Variants in VAV3 observed in about 807,000 individuals in gnomAD.
VAV3 encodes vav guanine nucleotide exchange factor 3.
In VAV3, 94 loss-of-function variants were observed where a neutral mutation model predicts 131.2. That is an observed-to-expected ratio of 0.72 (90% CI 0.61 to 0.85). The LOEUF (loss-of-function observed/expected upper bound fraction) is 0.85, where lower values mean the gene tolerates loss of function less well. Among genes scored for constraint, VAV3 ranks in the 40% least tolerant of loss-of-function variants. The pLI, the probability that VAV3 is intolerant of heterozygous loss-of-function variation, is 0.00. For synonymous variants in VAV3, 349 were observed against 342.0 expected (o/e 1.02, Z -0.22); for missense variants, 939 against 1,002.7 (o/e 0.94, Z 0.86).
intron 15 of VAV3, among the ~76,000 whole-genome samples, chr1:107,717,886 G>A (rs963683270): frequency 2.0e-4 from 30 of 152,176 alleles, no homozygotes; most frequent in African/African-American, 7.0e-4. Flanking sequence ...TCTCTTTGTA[G>A]GTATCTAAGG....
At chr1:107,850,229 C>A (rs943061981) in intron 2 of VAV3, among the ~76,000 whole-genome samples, 10 of 152,042 alleles carry the variant, frequency 6.6e-5, no homozygotes, top group Admixed American at 2.0e-4. Context: ...GGGTATATAC[C>A]CAAAGGATTA....
chr1:107,964,399 C>T (rs1421346631), intron 1 of VAV3: 3 of 399,840 alleles, frequency 7.5e-6, no homozygotes, highest in East Asian at 4.4e-5. Flanking sequence ...CCTAAGACAA[C>T]TTATTTCTTT....
chr1:107,813,257 G>C (rs1570988553), intron 2 of VAV3, among the ~76,000 whole-genome samples: 1 of 152,116 alleles, frequency 6.6e-6, no homozygotes, highest in South Asian at 2.1e-4. Flanking sequence ...TCATGGAAAA[G>C]GAGAGACAAG....
intron 23 of VAV3, 80 bp from the exon 24 acceptor site, chr1:107,602,564 A>G (rs1224544220): frequency 1.1e-5 from 12 of 1,123,162 alleles, no homozygotes; most frequent in African/African-American, 3.3e-5. Flanking sequence ...GCATGCCCCA[A>G]TAACATTTTA....
chr1:107,951,555 A>C (rs1351353742), intron 1 of VAV3, among the ~76,000 whole-genome samples: 1 of 152,180 alleles, frequency 6.6e-6, no homozygotes, highest in East Asian at 1.9e-4. Flanking sequence ...ATGGAAGAAA[A>C]TTTTTGCAAA....
intron 2 of VAV3, among the ~76,000 whole-genome samples, chr1:107,811,028 T>C (rs892845024): frequency 2.6e-5 from 4 of 152,184 alleles, no homozygotes; most frequent in Non-Finnish European, 5.9e-5. Flanking sequence ...ATGTGGATAG[T>C]TCAACTTTCA....
chr1:107,669,843 GGA>G (rs1657657254), intron 19 of VAV3, among the ~76,000 whole-genome samples: 2 of 152,176 alleles, frequency 1.3e-5, no homozygotes, highest in African/African-American at 4.8e-5. Context: ...ACTCCTTAGA[GGA>G]GAGAGTAACT....
intron 10 of VAV3, among the ~76,000 whole-genome samples, chr1:107,758,836 T>C (rs1055243736): frequency 6.6e-6 from 1 of 152,186 alleles, no homozygotes; most frequent in African/African-American, 2.4e-5. Flanking sequence ...TTATATTCTA[T>C]TCATACTAAA....
chr1:107,908,961 A>G (rs1203899814), intron 1 of VAV3, among the ~76,000 whole-genome samples: 1 of 152,038 alleles, frequency 6.6e-6, no homozygotes, highest in Non-Finnish European at 1.5e-5. Flanking sequence ...CATAAGTACA[A>G]CAACTGCTAT....
At position 107,964,849 on chromosome 1, in the gene VAV3, G is replaced by A. The variant is rs1281623132; in HGVS notation, c.21C>T (p.Cys7=). The A allele has an allele frequency of 3.7e-6, 6 of 1,608,582 alleles. No homozygotes were observed. Among genetic ancestry groups the A allele is most frequent in the Non-Finnish European group, 5.1e-6 (6 of 1,177,520 alleles). The part of the protein sequence containing the change: MEPWKQ[C]AQWLIHCKVL... ...CCTTGCAATGGATGAGCCACTGCGC[G>A]CACTGCTTCCACGGCTCCATGCCCG... Residue 7 remains cysteine (C), a synonymous_variant, in exon 1 of 27, where the codon TGC becomes TGT. Transcript: ENST00000370056.
At chr1:107,803,487 TCTTA>T (rs911192441) in intron 2 of VAV3, among the ~76,000 whole-genome samples, 4 of 152,140 alleles carry the variant, frequency 2.6e-5, no homozygotes, top group African/African-American at 9.6e-5. Flanking sequence ...AAAATTTCTT[TCTTA>T]ATTTATTCAT....
intron 15 of VAV3, among the ~76,000 whole-genome samples, chr1:107,723,366 G>C (rs540887184): frequency 2.0e-5 from 3 of 151,882 alleles, no homozygotes; most frequent in Admixed American, 1.3e-4. Context: ...TCACCTTCAG[G>C]GTTGTCTTCC....
At chr1:107,713,139 T>C (rs757283294) in intron 15 of VAV3, among the ~76,000 whole-genome samples, 1 of 152,128 alleles carries the variant, frequency 6.6e-6, no homozygotes, top group Non-Finnish European at 1.5e-5. Context: ...CAGCCAACGA[T>C]AAGGAATAAA....
chr1:107,701,070 T>G (rs1201308004), intron 17 of VAV3, among the ~76,000 whole-genome samples: 1 of 152,092 alleles, frequency 6.6e-6, no homozygotes, highest in African/African-American at 2.4e-5. Flanking sequence ...AGCTTTTTTT[T>G]TCATATATGT....
Position 107,938,558 on chromosome 1 carries a change from T to C in VAV3, c.204+26108A>G, listed in dbSNP as rs77840457. Among the ~76,000 whole-genome samples, 1,518 of 152,184 alleles carry C rather than the reference T, an allele frequency of 1.0e-2. 27 individuals carry two copies. The highest frequency in any genetic ancestry group is 0.034 in the African/African-American group (1,417 of 41,528). On this transcript the variant is annotated intron_variant, in intron 1 of 26. Coordinates refer to ENST00000370056, the MANE Select transcript of VAV3 (RefSeq NM_006113.5). ...GGGAAGAGCTTGCAGCCTAGGGACA[T>C]AATTAGGATGTCAGAACAATCCAGA...
chr1:107,605,481 G>A (rs566958420), intron 22 of VAV3, among the ~76,000 whole-genome samples: 3 of 152,230 alleles, frequency 2.0e-5, no homozygotes, highest in South Asian at 4.2e-4. Flanking sequence ...GCAGCCCCTC[G>A]ATTTTGGACT....
intron 1 of VAV3, among the ~76,000 whole-genome samples, chr1:107,895,012 C>T (rs1388994778): frequency 6.6e-6 from 1 of 152,116 alleles, no homozygotes; most frequent in East Asian, 1.9e-4. Flanking sequence ...CCAAAGCCTC[C>T]CATGAAGTCT....
intron 21 of VAV3, among the ~76,000 whole-genome samples, chr1:107,610,658 A>G (rs1652658652): frequency 6.6e-6 from 1 of 152,192 alleles, no homozygotes; most frequent in South Asian, 2.1e-4. Flanking sequence ...CGCACAAGGA[A>G]AAATATTGCA....
At chr1:107,929,068 T>C (rs866368912) in intron 1 of VAV3, among the ~76,000 whole-genome samples, 1 of 151,998 alleles carries the variant, frequency 6.6e-6, no homozygotes, top group Non-Finnish European at 1.5e-5. Flanking sequence ...GACTTTTCAG[T>C]GGAAATTTTA....
Sources: allele counts gnomAD v4.1 joint callset (sites outside exome capture counted in the v4.1 genomes callset), GRCh38; gene constraint gnomAD v4.1.1; transcripts MANE v1.5; gene names NCBI Gene and HGNC (gene_info 2026-07-23, HGNC 2026-07-21).